The following CFAP251 variants were observed in gnomAD, a reference collection of about 807,000 sequenced individuals.
CFAP251 encodes the protein cilia and flagella associated protein 251.
Under a neutral mutation model 126.7 loss-of-function variants are expected in CFAP251, and 93 were observed. The ratio of observed to expected loss-of-function variants is 0.73; its 90% CI spans 0.62 to 0.87. The LOEUF (loss-of-function observed/expected upper bound fraction) is 0.87. CFAP251 is among the 40% of genes least tolerant of loss of function. The pLI, the probability that CFAP251 is intolerant of heterozygous loss-of-function variation, is 0.00. For missense variants in CFAP251, 1,287 were observed against 1,389.2 expected (o/e 0.93, Z 1.17); for synonymous variants, 503 against 506.9 (o/e 0.99, Z 0.10).
At chr12:121,935,868 G>A (rs1880875691) in intron 5 of CFAP251, among the ~76,000 whole-genome samples, 1 of 152,200 alleles carries the variant, frequency 6.6e-6, no homozygotes, top group Non-Finnish European at 1.5e-5. Flanking sequence ...TTCCCCGGCT[G>A]GAGGCAGACT....
At chr12:121,966,896 C>G in intron 15 of CFAP251, 59 bp from the exon 16 acceptor site, 1 of 1,552,150 alleles carries the variant, frequency 6.4e-7, no homozygotes, top group Non-Finnish European at 8.8e-7. Flanking sequence ...ACCAAAGAAT[C>G]TTAAAACCTA....
intron 19 of CFAP251, among the ~76,000 whole-genome samples, chr12:121,992,742 G>C (rs2135813368): frequency 6.6e-6 from 1 of 151,766 alleles, no homozygotes; most frequent in African/African-American, 2.4e-5. Context: ...ACCACGCCAA[G>C]CTAATTTGTT....
In CFAP251 at chr12:121,949,152, G is replaced by A. The variant is rs1213438242; in HGVS notation, c.1269+91G>A. On this transcript the variant is annotated intron_variant, in intron 8 of 21. Coordinates refer to ENST00000288912, the MANE Select transcript of CFAP251 (RefSeq NM_144668.6). The stretch of plus-strand genomic sequence containing the variant: ...AATGTTTCAGTAATGTAACAATATA[G>A]TATCTCTACTTAGGAAGCAATGAAT... 3 of 767,754 alleles carry A rather than the reference G, an allele frequency of 3.9e-6. No homozygotes were observed. The East Asian group carries it at 8.7e-5, about 22-fold the overall frequency. 47.6% of individuals were successfully genotyped at this position (767,754 alleles called of 1,614,324 possible). A position where few individuals can be genotyped will look rare whatever the true frequency, so the allele number is the denominator to read the frequency against.
intron 17 of CFAP251, chr12:121,972,216 G>A (rs1295147461): frequency 6.4e-6 from 1 of 157,152 alleles, no homozygotes; most frequent in Non-Finnish European, 1.4e-5. Flanking sequence ...GGTTGGAACA[G>A]TTTGGAGGGC....
In CFAP251 at chr12:122,001,580, G is replaced by C; in HGVS notation, c.3319G>C (p.Ala1107Pro). 6.2e-7 allele frequency: 1 copy of C among 1,614,086 alleles called. No homozygotes were observed. The highest frequency in any genetic ancestry group is 1.1e-5 in the South Asian group (1 of 91,080). ...LNPEGWKSEP[A>P]TCSVKGSEIC... ...TCCCGAGGGATGGAAATCCGAGCCT[G>C]CAACCTGCTCCGTCAAAGGTACCCC... Residue 1107 changes from alanine (A) to proline (P), a missense_variant, in exon 21 of 22, where the codon GCA (alanine) becomes CCA (proline). Coordinates refer to ENST00000288912, the MANE Select transcript of CFAP251 (RefSeq NM_144668.6).
chr12:121,945,613 G>A (rs948870162), intron 7 of CFAP251, among the ~76,000 whole-genome samples: 5 of 151,548 alleles, frequency 3.3e-5, no homozygotes, highest in Non-Finnish European at 7.4e-5. Context: ...AAAGTGCTGG[G>A]ATTACAGGTA....
chr12:121,935,464 C>T (rs989939841), intron 5 of CFAP251, among the ~76,000 whole-genome samples: 2 of 152,242 alleles, frequency 1.3e-5, no homozygotes, highest in African/African-American at 4.8e-5. Context: ...CAGGATCCCA[C>T]CCAGGAGACC....
At chr12:121,961,197 A>G (rs981911151) in intron 14 of CFAP251, among the ~76,000 whole-genome samples, 1 of 152,134 alleles carries the variant, frequency 6.6e-6, no homozygotes, top group Non-Finnish European at 1.5e-5. Context: ...GAGTCAGGTG[A>G]AATGGATTCA....
intron 7 of CFAP251, among the ~76,000 whole-genome samples, chr12:121,945,327 GT>G (rs1565908182): frequency 1.3e-5 from 2 of 150,560 alleles, no homozygotes; most frequent in Non-Finnish European, 3.0e-5. Flanking sequence ...TTGTTGTTTT[GT>G]TTTCTTTTCT....
Position 121,967,571 on chromosome 12 carries a change from G to T in CFAP251, c.2608-435G>T, listed in dbSNP as rs971599932. Among the ~76,000 whole-genome samples the T allele has an allele frequency of 2.6e-5, 4 of 152,106 alleles. 1 individual carries two copies. The highest frequency in any genetic ancestry group is 4.8e-5 in the African/African-American group (2 of 41,430). ...CAAAAAATGAGCCGGGCGTGGTGGT[G>T]GGCGCCTGTAGTCCCAGCTACTCAG... On this transcript the variant is annotated intron_variant, in intron 16 of 21. Transcript: ENST00000288912.
chr12:121,933,255 G>A (rs1880761577), intron 4 of CFAP251: 2 of 152,356 alleles, frequency 1.3e-5, no homozygotes, highest in Admixed American at 6.5e-5. Context: ...GGATTGAAGA[G>A]GTGCTGTTTC....
chr12:121,920,604 G>A (rs574510409), intron 1 of CFAP251, among the ~76,000 whole-genome samples: 2 of 152,196 alleles, frequency 1.3e-5, no homozygotes, highest in African/African-American at 4.8e-5. Flanking sequence ...CACCGTGTTA[G>A]CCAGGATGGT....
intron 19 of CFAP251, among the ~76,000 whole-genome samples, chr12:121,977,465 C>G (rs1025123357): frequency 6.6e-6 from 1 of 151,778 alleles, no homozygotes; most frequent in Non-Finnish European, 1.5e-5. Context: ...TTGAGACCAG[C>G]CTGGCTAACA....
At chr12:121,928,658 G>GTATATATA (rs1259216748) in intron 3 of CFAP251, among the ~76,000 whole-genome samples, 6 of 26,720 alleles carry the variant, frequency 2.2e-4, no homozygotes, top group East Asian at 1.1e-3. Context: ...ATATATATAC[G>GTATATATA]TATATATATA....
chr12:121,983,476 A>G (rs182903734), intron 19 of CFAP251, among the ~76,000 whole-genome samples: 1 of 152,340 alleles, frequency 6.6e-6, no homozygotes, highest in Non-Finnish European at 1.5e-5. Flanking sequence ...AAAAATAATA[A>G]AGCTTAAACA....
intron 5 of CFAP251, among the ~76,000 whole-genome samples, chr12:121,939,352 G>A (rs988854374): frequency 5.9e-5 from 9 of 152,022 alleles, no homozygotes; most frequent in African/African-American, 1.7e-4. Context: ...GCTGCTACAC[G>A]CTCTCAGCTG....
At chr12:121,988,780 G>A (rs1477791990) in intron 19 of CFAP251, among the ~76,000 whole-genome samples, 10 of 138,460 alleles carry the variant, frequency 7.2e-5, no homozygotes, top group Admixed American at 1.6e-4. Flanking sequence ...ATCTCCCTCT[G>A]GCTGGAGTGC....
intron 15 of CFAP251, among the ~76,000 whole-genome samples, chr12:121,966,141 TC>T (rs1882112436): frequency 1.4e-5 from 1 of 70,488 alleles, no homozygotes; most frequent in Non-Finnish European, 3.1e-5. Context: ...TAAAAACTCT[TC>T]CCTTCCCTCC....
chr12:121,919,630 G>A (rs1880074462), intron 1 of CFAP251, among the ~76,000 whole-genome samples: 1 of 152,160 alleles, frequency 6.6e-6, no homozygotes, highest in Non-Finnish European at 1.5e-5. Flanking sequence ...AGGTCACAGA[G>A]CAAGTACGTG....
Sources: gnomAD v4.1 joint callset for allele counts (sites outside exome capture counted in the v4.1 genomes callset) on GRCh38, gnomAD v4.1.1 for gene constraint, MANE v1.5 for transcripts, NCBI Gene and HGNC (gene_info 2026-07-23, HGNC 2026-07-21) for gene names.